SERPINA6: variants seen among roughly 807,000 people sequenced by gnomAD.
SERPINA6 encodes the protein serpin family A member 6, also known as corticosteroid-binding globulin.
SERPINA6 carries 19 observed loss-of-function variants against 26.4 expected under a neutral mutation model. The observed-to-expected ratio is 0.72, with a 90% CI of 0.50 to 1.06. The LOEUF is 1.06. Among genes scored for constraint, SERPINA6 ranks in the 50% least tolerant of loss-of-function variants. The probability of loss-of-function intolerance (pLI) is 0.00; values close to 1 mark genes in which losing one functional copy is unlikely to be tolerated. For synonymous variants in SERPINA6, 196 were observed against 199.4 expected (o/e 0.98, Z 0.14); for missense variants, 473 against 504.0 (o/e 0.94, Z 0.59).
chr14:94,314,652 C>T lies in SERPINA6; in HGVS notation c.-4G>A. 4 of 1,612,150 alleles carry T rather than the reference C, an allele frequency of 2.5e-6. No individual in the cohort carries two copies. Among genetic ancestry groups the T allele is most frequent in the Non-Finnish European group, 3.4e-6 (4 of 1,179,994 alleles). Reference sequence around the variant, plus strand: ...AGGTGTACAGGAGGAGTGGCATTGTCCAGTATAGCCAGGCCCTGCCAAATC... The same window carrying T: ...AGGTGTACAGGAGGAGTGGCATTGTTCAGTATAGCCAGGCCCTGCCAAATC... On this transcript the variant is annotated 5_prime_UTR_variant, in exon 2 of 5. Transcript: ENST00000341584.
chr14:94,315,725 A>G (rs1363679762), intron 1 of SERPINA6, among the ~76,000 whole-genome samples: 1 of 152,232 alleles, frequency 6.6e-6, no homozygotes, highest in Non-Finnish European at 1.5e-5. Context: ...TAGATTTTGA[A>G]TTAAAAAAGT....
At chr14:94,319,405 T>C (rs1956179) in intron 1 of SERPINA6, among the ~76,000 whole-genome samples, 43,385 of 152,170 alleles carry the variant, frequency 0.29, 6,686 homozygotes, top group South Asian at 0.47. Context: ...GACAGTTCTT[T>C]AAAAATTAAA....
Position 94,314,360 on chromosome 14 carries a change from G to A in SERPINA6, c.289C>T (p.Leu97Phe). 1 of 1,614,166 alleles carries A rather than the reference G, an allele frequency of 6.2e-7. No homozygotes were observed. The highest frequency in any genetic ancestry group is 8.5e-7 in the Non-Finnish European group (1 of 1,180,018). Residue 97 changes from leucine to phenylalanine, a missense_variant, in exon 2 of 5, where the codon CTC becomes TTC. By Grantham distance (22) the Leu-to-Phe change is conservative. Transcript: ENST00000341584. ...ATCTCAGTCTCAGACCTCTCAGTGA[G>A]GTTGAAACCCAGGCCCTGGAGAAGC... ...AQLLQGLGFN[L>F]TERSETEIHQ...
chr14:94,320,777 C>T (rs1429107055), intron 1 of SERPINA6, among the ~76,000 whole-genome samples: 1 of 152,162 alleles, frequency 6.6e-6, no homozygotes, highest in East Asian at 1.9e-4. Context: ...ACCCTCCTTG[C>T]GTGTCTCCCT....
chr14:94,317,918 A>G (rs1224044988), intron 1 of SERPINA6, among the ~76,000 whole-genome samples: 1 of 152,220 alleles, frequency 6.6e-6, no homozygotes, highest in Non-Finnish European at 1.5e-5. Context: ...GTCTGTGTTC[A>G]CAGATGACAT....
intron 1 of SERPINA6, among the ~76,000 whole-genome samples, chr14:94,316,541 AAAT>A (rs1895617171): frequency 1.3e-5 from 2 of 152,176 alleles, no homozygotes; most frequent in Non-Finnish European, 2.9e-5. Flanking sequence ...ACACACTCAA[AAAT>A]AATGTTTTAC....
rs780068867 is a variant in SERPINA6 at position 94,314,592 on chromosome 14, G to A, written c.57C>T (p.Thr19=). The change falls in exon 2 of 5, where the codon ACC becomes ACT. Residue 19 remains threonine, a synonymous_variant. Transcript: ENST00000341584. ...LLWLPTSGLW[T]VQAMDPNAAY... ...CAGCGTTAGGATCCATGGCCTGGAC[G>A]GTCCAGAGGCCGCTGGTGGGCAGCC... The A allele has an allele frequency of 2.8e-5, 46 of 1,614,064 alleles. No individual in the cohort carries two copies. Among genetic ancestry groups the A allele is most frequent in the African/African-American group, 6.7e-5 (5 of 74,934 alleles).
At chr14:94,308,446 A>T (rs1326238153) in intron 3 of SERPINA6, among the ~76,000 whole-genome samples, 1 of 152,198 alleles carries the variant, frequency 6.6e-6, no homozygotes, top group East Asian at 1.9e-4. Context: ...TGAAATGCAC[A>T]TTGAATGAAT....
At chr14:94,304,975 T>C (rs762132382) in intron 4 of SERPINA6, among the ~76,000 whole-genome samples, 1 of 152,210 alleles carries the variant, frequency 6.6e-6, no homozygotes, top group Non-Finnish European at 1.5e-5. Context: ...GTTCAAGTTA[T>C]GCAAAGTGCC....
rs772192205 is a variant in SERPINA6 at position 94,306,229 on chromosome 14, T to C, written c.885-11A>G. 3.7e-6 allele frequency: 6 copies of C among 1,613,914 alleles called. No homozygotes were observed. The African/African-American group carries it at 5.3e-5, about 14-fold the overall frequency. ...TACAGGTCCACCTGGCTGCTCGGGG[T>C]AAGCAGACAGAGTTAGACATTCCAG... is the stretch of plus-strand genomic sequence containing the variant. On this transcript the variant is annotated splice_polypyrimidine_tract_variant and intron_variant, in intron 3 of 4. Transcript: ENST00000341584.
intron 1 of SERPINA6, among the ~76,000 whole-genome samples, chr14:94,316,265 T>C (rs1450710227): frequency 6.6e-6 from 1 of 152,234 alleles, no homozygotes; most frequent in Non-Finnish European, 1.5e-5. Flanking sequence ...CTATTGACTC[T>C]TGATCTGTGG....
intron 1 of SERPINA6, among the ~76,000 whole-genome samples, chr14:94,320,314 C>T (rs902496374): frequency 6.6e-6 from 1 of 152,226 alleles, no homozygotes; most frequent in Non-Finnish European, 1.5e-5. Context: ...AATATGTAAA[C>T]AAACTGCACC....
rs751594766 is a variant in SERPINA6, at chr14:94,314,665, G to A, written c.-17C>T. 1.6e-5 allele frequency: 25 copies of A among 1,610,692 alleles called. No homozygotes were observed. The South Asian group carries it at 2.3e-4, about 15-fold the overall frequency. ...GAGTGGCATTGTCCAGTATAGCCAGGCCCTGCCAAATCAGAAAAGCTTGTT... is the reference window on the plus strand; with the variant it reads ...GAGTGGCATTGTCCAGTATAGCCAGACCCTGCCAAATCAGAAAAGCTTGTT... On this transcript the variant is annotated splice_region_variant and 5_prime_UTR_variant, in exon 2 of 5. Coordinates refer to ENST00000341584, the MANE Select transcript of SERPINA6 (RefSeq NM_001756.4).
Position 94,310,437 on chromosome 14 carries a change from C to T in SERPINA6, c.614-431G>A, listed in dbSNP as rs552708201. On this transcript the variant is annotated intron_variant, in intron 2 of 4. Coordinates refer to ENST00000341584, the MANE Select transcript of SERPINA6 (RefSeq NM_001756.4). Reference sequence around the variant, plus strand: ...TCTCCACCCCTGCCAGCCTGGCCGGCCCAGCTGAGGCTCCTGACCCTGCTG... The same window carrying T: ...TCTCCACCCCTGCCAGCCTGGCCGGTCCAGCTGAGGCTCCTGACCCTGCTG... 5.3e-5 allele frequency among the ~76,000 whole-genome samples: 8 copies of T among 152,272 alleles called. No individual in the cohort carries two copies. In the South Asian group the frequency reaches 6.2e-4, roughly 12 times the overall value.
At chr14:94,322,835 T>A (rs1344716434) in intron 1 of SERPINA6, among the ~76,000 whole-genome samples, 1 of 152,134 alleles carries the variant, frequency 6.6e-6, no homozygotes, top group East Asian at 1.9e-4. Flanking sequence ...ACCCCTGCAC[T>A]GGGCCAGCTG....
intron 1 of SERPINA6, among the ~76,000 whole-genome samples, chr14:94,317,254 T>A (rs1895625694): frequency 6.6e-6 from 1 of 152,156 alleles, no homozygotes; most frequent in Non-Finnish European, 1.5e-5. Context: ...TACATCATAT[T>A]AACAAAATAA....
At chr14:94,316,795 A>G (rs1445706914) in intron 1 of SERPINA6, among the ~76,000 whole-genome samples, 1 of 152,172 alleles carries the variant, frequency 6.6e-6, no homozygotes, top group Non-Finnish European at 1.5e-5. Context: ...AGAAGGGCAA[A>G]TTCTCTCTTC....
At chr14:94,320,460 C>A (rs1463434888) in intron 1 of SERPINA6, among the ~76,000 whole-genome samples, 1 of 152,184 alleles carries the variant, frequency 6.6e-6, no homozygotes, top group East Asian at 1.9e-4. Context: ...ACCTATCAGC[C>A]TATGTGTGTA....
chr14:94,315,445 T>A (rs1016101469), intron 1 of SERPINA6, among the ~76,000 whole-genome samples: 4 of 152,256 alleles, frequency 2.6e-5, no homozygotes, highest in African/African-American at 9.6e-5. Context: ...ATTTTATTTA[T>A]CTCTGCTCTA....
Sources: allele counts gnomAD v4.1 joint callset (sites outside exome capture counted in the v4.1 genomes callset), GRCh38; gene constraint gnomAD v4.1.1; transcripts MANE v1.5; gene names NCBI Gene and HGNC (gene_info 2026-07-23, HGNC 2026-07-21).